TLK1: variants seen among roughly 807,000 people sequenced by gnomAD.
The protein encoded by TLK1 is serine/threonine-protein kinase tousled-like 1.
A neutral mutation model predicts 105.3 loss-of-function variants in TLK1; 24 were observed. The ratio of observed to expected loss-of-function variants is 0.23; its 90% CI spans 0.17 to 0.32. The LOEUF is 0.32. Among genes scored for constraint, TLK1 ranks in the 10% least tolerant of loss-of-function variants. TLK1 has a pLI of 1.00. For synonymous variants in TLK1, 321 were observed against 310.4 expected, an observed-to-expected ratio of 1.03 and a Z score of -0.36; for missense variants, 558 against 910.5, an observed-to-expected ratio of 0.61 and a Z score of 4.98.
chr2:171,067,792 T>A (rs896991615), intron 3 of TLK1, among the ~76,000 whole-genome samples: 2 of 151,876 alleles, frequency 1.3e-5, no homozygotes, highest in African/African-American at 4.8e-5. Context: ...CCCTGTTATG[T>A]GAAGTCCCCC....
chr2:171,108,083 C>CAAAA (rs1484029506), intron 2 of TLK1, among the ~76,000 whole-genome samples: 1 of 66,374 alleles, frequency 1.5e-5, no homozygotes, highest in Non-Finnish European at 3.6e-5. Context: ...ACAACAACAA[C>CAAAA]AACAAAAAAA....
At chr2:170,994,055 A>C in intron 20 of TLK1, 99 bp from the exon 21 acceptor site, 1 of 1,271,578 alleles carries the variant, frequency 7.9e-7, no homozygotes, top group Non-Finnish European at 1.0e-6. Context: ...TTAAGACATA[A>C]GTAGATCTCA....
At chr2:171,219,291 T>C (rs1435221177) in intron 1 of TLK1, among the ~76,000 whole-genome samples, 1 of 152,162 alleles carries the variant, frequency 6.6e-6, no homozygotes, top group Non-Finnish European at 1.5e-5. Flanking sequence ...GCTGCTGGCA[T>C]TCCTTGGCTT....
chr2:171,059,523 C>T (rs1687645491), intron 4 of TLK1, among the ~76,000 whole-genome samples: 1 of 152,024 alleles, frequency 6.6e-6, no homozygotes, highest in Non-Finnish European at 1.5e-5. Context: ...CAAAGATGGC[C>T]CTGATTTTTT....
chr2:171,182,317 A>G (rs1692941892), intron 1 of TLK1, among the ~76,000 whole-genome samples: 1 of 152,258 alleles, frequency 6.6e-6, no homozygotes. Flanking sequence ...GGAATAGAAG[A>G]ATAATTTCTC....
chr2:171,068,491 G>T (rs1347569050), intron 3 of TLK1, among the ~76,000 whole-genome samples: 1 of 152,004 alleles, frequency 6.6e-6, no homozygotes, highest in African/African-American at 2.4e-5. Flanking sequence ...TTTTTAAATT[G>T]CTCTATCATA....
intron 7 of TLK1, chr2:171,054,616 C>T (rs1687407337): frequency 6.6e-6 from 1 of 152,318 alleles, no homozygotes; most frequent in Admixed American, 6.5e-5. Context: ...TGAGAAAGTG[C>T]CACTCAGAAA....
At chr2:171,103,550 A>G (rs957226520) in intron 2 of TLK1, among the ~76,000 whole-genome samples, 3 of 151,930 alleles carry the variant, frequency 2.0e-5, no homozygotes, top group African/African-American at 7.3e-5. Context: ...CCTCAAATTT[A>G]TATTTAATTG....
At chr2:171,226,158 T>C (rs1266075649) in intron 1 of TLK1, among the ~76,000 whole-genome samples, 1 of 152,148 alleles carries the variant, frequency 6.6e-6, no homozygotes, top group South Asian at 2.1e-4. Flanking sequence ...GAATGAGAAA[T>C]AAGGCTTTAT....
chr2:171,084,202 C>T (rs188372155), intron 2 of TLK1, among the ~76,000 whole-genome samples: 248 of 152,146 alleles, frequency 1.6e-3, no homozygotes, highest in African/African-American at 5.8e-3. Context: ...ACACCTAAAA[C>T]AGCCAACAAG....
intron 18 of TLK1, among the ~76,000 whole-genome samples, chr2:171,000,427 T>C (rs922792050): frequency 2.7e-5 from 4 of 149,910 alleles, no homozygotes; most frequent in South Asian, 2.1e-4. Context: ...CACTGTTGAC[T>C]GGAAGTTGAC....
At chr2:171,082,266 G>A (rs1688789490) in intron 3 of TLK1, among the ~76,000 whole-genome samples, 1 of 152,080 alleles carries the variant, frequency 6.6e-6, no homozygotes, top group African/African-American at 2.4e-5. Context: ...GGTGGGATCA[G>A]TAAGTGGGTA....
In TLK1 at chr2:171,160,227, G is replaced by C. The variant is rs1027505929; in HGVS notation, c.139+63C>G. ...CCGGGGCGGGGGGGGCGGGGGGGGG[G>C]CGCGGGGGTCCGCGGCGCGGGAGAG... On this transcript the variant is annotated intron_variant, in intron 1 of 20. Transcript: ENST00000431350. This position sits in a 1 kb window ranked among gnomAD's most constrained non-coding sequence, Gnocchi z 4.4. 3.9e-6 allele frequency: 5 copies of C among 1,287,630 alleles called. No individual in the cohort carries two copies. The highest frequency in any genetic ancestry group is 3.2e-5 in the East Asian group (1 of 31,438). The allele number at this position is 1,287,630 out of a possible 1,614,324, so 79.8% of individuals were successfully genotyped here. A position where few individuals can be genotyped will look rare whatever the true frequency, so the allele number is the denominator to read the frequency against.
chr2:171,158,858 C>T (rs1692336991), intron 1 of TLK1, among the ~76,000 whole-genome samples: 2 of 152,168 alleles, frequency 1.3e-5, no homozygotes, highest in African/African-American at 4.8e-5. Flanking sequence ...ACAATGAAAG[C>T]TCAGCGTTGG....
chr2:171,173,373 C>T (rs534266209), intron 1 of TLK1, among the ~76,000 whole-genome samples: 1 of 152,268 alleles, frequency 6.6e-6, no homozygotes, highest in Admixed American at 6.5e-5. Flanking sequence ...CTCTGTTGCC[C>T]AGGCTGTAGT....
chr2:171,101,489 A>G (rs1277836970), intron 2 of TLK1, among the ~76,000 whole-genome samples: 2 of 152,178 alleles, frequency 1.3e-5, no homozygotes, highest in African/African-American at 4.8e-5. Flanking sequence ...CTAGGGAAGA[A>G]GGAAAGTTGC....
chr2:171,082,998 G>T, intron 2 of TLK1, 146 bp from the exon 3 acceptor site: 1 of 585,178 alleles, frequency 1.7e-6, no homozygotes, highest in Non-Finnish European at 3.0e-6. Flanking sequence ...AGCCAAATGA[G>T]GTAAAAATAA....
chr2:171,096,411 A>C (rs1410353933), intron 2 of TLK1, among the ~76,000 whole-genome samples: 2 of 152,182 alleles, frequency 1.3e-5, no homozygotes, highest in Non-Finnish European at 2.9e-5. Flanking sequence ...TGATCTGAAA[A>C]AGAAATTAAT....
At chr2:171,131,080 TATAG>T (rs962972918) in intron 1 of TLK1, among the ~76,000 whole-genome samples, 13 of 151,812 alleles carry the variant, frequency 8.6e-5, no homozygotes, top group Non-Finnish European at 1.5e-4. Flanking sequence ...TATCTATATA[TATAG>T]ATAGATGCAG....
Sources: allele counts gnomAD v4.1 joint callset (sites outside exome capture counted in the v4.1 genomes callset), GRCh38; gene constraint gnomAD v4.1.1; non-coding constraint Gnocchi (gnomAD v3.1); transcripts MANE v1.5; gene names NCBI Gene and HGNC (gene_info 2026-07-23, HGNC 2026-07-21).